ANO6: variants seen among roughly 807,000 people sequenced by gnomAD.
The protein encoded by ANO6 is anoctamin-6.
Under a neutral mutation model 117.5 loss-of-function variants are expected in ANO6, and 106 were observed. The ratio of observed to expected loss-of-function variants is 0.90; its 90% CI spans 0.77 to 1.06. The LOEUF (loss-of-function observed/expected upper bound fraction) is 1.06, where lower values mean the gene tolerates loss of function less well. ANO6 is among the 50% of genes least tolerant of loss of function. The pLI, the probability that ANO6 is intolerant of heterozygous loss-of-function variation, is 0.00. For missense variants in ANO6, 955 were observed against 1,121.1 expected (o/e 0.85, Z 2.12); for synonymous variants, 367 against 385.1 (o/e 0.95, Z 0.55).
At chr12:45,272,806 A>G (rs1427530589) in intron 1 of ANO6, among the ~76,000 whole-genome samples, 1 of 152,246 alleles carries the variant, frequency 6.6e-6, no homozygotes, top group African/African-American at 2.4e-5. Flanking sequence ...ACTTCTGAGT[A>G]TATACCCAAA....
At chr12:45,357,896 AGTT>A (rs1465525234) in intron 8 of ANO6, among the ~76,000 whole-genome samples, 13 of 152,224 alleles carry the variant, frequency 8.5e-5, no homozygotes, top group Non-Finnish European at 1.8e-4. Context: ...AAAACTCAAT[AGTT>A]GTTTTGGTTT....
chr12:45,388,099 C>T, intron 10 of ANO6, 62 bp from the exon 11 acceptor site: 3 of 1,592,036 alleles, frequency 1.9e-6, no homozygotes, highest in Non-Finnish European at 1.7e-6. Context: ...TTATTCAGTA[C>T]AGATTTCTGA....
At chr12:45,332,415 C>A (rs894117448) in intron 3 of ANO6, among the ~76,000 whole-genome samples, 1 of 151,906 alleles carries the variant, frequency 6.6e-6, no homozygotes, top group Admixed American at 6.6e-5. Flanking sequence ...TCTTTCAAAT[C>A]AAGCGATAAA....
intron 15 of ANO6, among the ~76,000 whole-genome samples, chr12:45,408,289 G>C (rs1291481543): frequency 6.6e-6 from 1 of 152,188 alleles, no homozygotes; most frequent in East Asian, 1.9e-4. Flanking sequence ...TGGAGTTGTT[G>C]TTATGCCTCT....
At chr12:45,274,267 C>A (rs553650742) in intron 1 of ANO6, among the ~76,000 whole-genome samples, 5 of 152,174 alleles carry the variant, frequency 3.3e-5, no homozygotes, top group African/African-American at 1.2e-4. Context: ...TGCTTTACAG[C>A]TGTCGGCTTT....
rs938335677 is a variant in ANO6 at position 45,259,924 on chromosome 12, T to C, written c.71-42090T>C. Among the ~76,000 whole-genome samples, 4 of 152,224 alleles carry C rather than the reference T, an allele frequency of 2.6e-5. 1 individual carries two copies. The highest frequency in any genetic ancestry group is 5.9e-5 in the Non-Finnish European group (4 of 68,030). On this transcript the variant is annotated intron_variant, in intron 1 of 19. Transcript: ENST00000320560. Reference sequence around the variant, plus strand: ...CCTCCCACAGGCACTGTAGGTCAGCTCATTCATTCCTCCATGGCGAGTAAA... The same window carrying C: ...CCTCCCACAGGCACTGTAGGTCAGCCCATTCATTCCTCCATGGCGAGTAAA...
chr12:45,437,453 A>C (rs575075426), intron 19 of ANO6, among the ~76,000 whole-genome samples: 1 of 152,268 alleles, frequency 6.6e-6, no homozygotes, highest in East Asian at 1.9e-4. Context: ...GCTTATTCTT[A>C]TTTTAAATTT....
chr12:45,268,088 A>G (rs1383121022), intron 1 of ANO6, among the ~76,000 whole-genome samples: 2 of 152,236 alleles, frequency 1.3e-5, no homozygotes, highest in Non-Finnish European at 1.5e-5. Flanking sequence ...CTATATCTGC[A>G]CACAGATTAG....
At chr12:45,283,801 AATCCATGT>A (rs960794449) in intron 1 of ANO6, among the ~76,000 whole-genome samples, 1 of 152,104 alleles carries the variant, frequency 6.6e-6, no homozygotes, top group African/African-American at 2.4e-5. Flanking sequence ...ATGTCACCGG[AATCCATGT>A]ATTTCTGTTT....
chr12:45,216,940 C>T (rs1041561687), intron 1 of ANO6, among the ~76,000 whole-genome samples: 12 of 152,124 alleles, frequency 7.9e-5, no homozygotes, highest in African/African-American at 2.7e-4. Context: ...AACCCTTTCC[C>T]ATCTGCGGAG....
At chr12:45,279,731 G>A (rs1376247333) in intron 1 of ANO6, among the ~76,000 whole-genome samples, 1 of 152,164 alleles carries the variant, frequency 6.6e-6, no homozygotes, top group Non-Finnish European at 1.5e-5. Context: ...ATAAGACTAA[G>A]GAATTAAAAA....
At chr12:45,238,156 T>TC (rs1448443337) in intron 1 of ANO6, among the ~76,000 whole-genome samples, 2 of 148,436 alleles carry the variant, frequency 1.3e-5, no homozygotes, top group Non-Finnish European at 3.0e-5. Flanking sequence ...TTTTTCTTTT[T>TC]TTTTTTTTTT....
intron 8 of ANO6, among the ~76,000 whole-genome samples, chr12:45,362,221 A>T (rs1374097788): frequency 6.6e-6 from 1 of 152,084 alleles, no homozygotes; most frequent in African/African-American, 2.4e-5. Context: ...TACCTTAAGT[A>T]GTACATATTT....
chr12:45,359,098 T>A (rs1200452236), intron 8 of ANO6, among the ~76,000 whole-genome samples: 2 of 152,208 alleles, frequency 1.3e-5, no homozygotes, highest in Admixed American at 6.5e-5. Context: ...TGCCCCCTTT[T>A]AAAAATAACA....
At chr12:45,423,711 T>G (rs1470193527) in intron 19 of ANO6, among the ~76,000 whole-genome samples, 1 of 152,230 alleles carries the variant, frequency 6.6e-6, no homozygotes, top group African/African-American at 2.4e-5. Context: ...GGAAGCAGTC[T>G]ATCCAATTCT....
In ANO6 at chr12:45,352,560, TAAAAAAAA is replaced by T. The variant is rs5797940; in HGVS notation, c.863+1801_863+1808del. ...TGAGCAGCATAGTGAGATCCAGTCT[TAAAAAAAA>T]AAAAAAAAAAAAAAGCCAGGCACGA... On this transcript the variant is annotated intron_variant, in intron 7 of 19. Coordinates refer to ENST00000320560, the MANE Select transcript of ANO6 (RefSeq NM_001025356.3). Among the ~76,000 whole-genome samples, 4 of 93,896 alleles carry T rather than the reference TAAAAAAAA, an allele frequency of 4.3e-5. No homozygotes were observed. The East Asian group carries it at 1.0e-3, about 24-fold the overall frequency. The allele number at this position is 93,896 out of a possible 152,430, so 61.6% of individuals were successfully genotyped here.
intron 2 of ANO6, among the ~76,000 whole-genome samples, chr12:45,311,203 A>T (rs1939839044): frequency 6.6e-6 from 1 of 152,082 alleles, no homozygotes; most frequent in South Asian, 2.1e-4. Flanking sequence ...ATGAAAATCA[A>T]TCTCTAGAGG....
intron 1 of ANO6, among the ~76,000 whole-genome samples, chr12:45,272,282 A>G (rs1565657426): frequency 6.6e-6 from 1 of 152,058 alleles, no homozygotes; most frequent in Non-Finnish European, 1.5e-5. Context: ...CAAACTTCAG[A>G]GGCTCAGCAG....
chr12:45,430,954 A>G lies in ANO6; in HGVS notation c.*1643A>G. The G allele has an allele frequency of 1.0e-6, 1 of 985,442 alleles. No homozygotes were observed. The highest frequency in any genetic ancestry group is 1.2e-6 in the Non-Finnish European group (1 of 829,932). The allele number at this position is 985,442 out of a possible 1,614,324, so 61.0% of individuals were successfully genotyped here. On this transcript the variant is annotated 3_prime_UTR_variant, in exon 20 of 20. Transcript: ENST00000320560. ...AGAGGAGCCAACCTATCAGAATCCC[A>G]GCAGCAAAGGAAAACTCAGATTTTA...
Sources: allele counts gnomAD v4.1 joint callset (sites outside exome capture counted in the v4.1 genomes callset), GRCh38; gene constraint gnomAD v4.1.1; transcripts MANE v1.5; gene names NCBI Gene and HGNC (gene_info 2026-07-23, HGNC 2026-07-21).